Variants in CCNY observed in about 807,000 individuals in gnomAD.
CCNY encodes the protein cyclin Y.
CCNY carries 19 observed loss-of-function variants against 42.8 expected under a neutral mutation model. That is an observed-to-expected ratio of 0.44 (90% CI 0.31 to 0.65). The LOEUF (loss-of-function observed/expected upper bound fraction) is 0.65, where lower values mean the gene tolerates loss of function less well. Ranked by LOEUF, CCNY falls within the 30% of genes least tolerant of loss-of-function variation. The probability of loss-of-function intolerance (pLI) is 0.07; values close to 1 mark genes in which losing one functional copy is unlikely to be tolerated. For synonymous variants in CCNY, 165 were observed against 162.7 expected (o/e 1.01, Z -0.11); for missense variants, 370 against 437.3 (o/e 0.85, Z 1.37).
chr10:35,456,479 G>A (rs1839037843), intron 1 of CCNY, among the ~76,000 whole-genome samples: 1 of 152,166 alleles, frequency 6.6e-6, no homozygotes, highest in Admixed American at 6.5e-5. Context: ...CACAGGATTC[G>A]GAGGCACATT....
intron 3 of CCNY, among the ~76,000 whole-genome samples, chr10:35,310,833 G>C (rs1005586773): frequency 2.6e-5 from 4 of 152,144 alleles, no homozygotes; most frequent in Admixed American, 2.6e-4. Context: ...TCACCAGGGC[G>C]AGTTCACTAT....
At position 35,570,136 on chromosome 10, in the gene CCNY, T is replaced by A. The variant is rs1022650346; in HGVS notation, c.*966T>A. On this transcript the variant is annotated 3_prime_UTR_variant, in exon 10 of 10. Transcript: ENST00000374704. The stretch of plus-strand genomic sequence containing the variant: ...ATCCATTCCTCTCCTTCCAAGTCCA[T>A]TGTTGCAAGCAATATTCTTCTCAAT... 4 of 152,780 alleles carry A rather than the reference T, an allele frequency of 2.6e-5. No individual in the cohort carries two copies. Among genetic ancestry groups the A allele is most frequent in the African/African-American group, 9.6e-5 (4 of 41,466 alleles). The allele number at this position is 152,780 out of a possible 1,614,324, so 9.5% of individuals were successfully genotyped here.
intron 5 of CCNY, among the ~76,000 whole-genome samples, chr10:35,526,633 C>A (rs1296055191): frequency 6.6e-6 from 1 of 151,368 alleles, no homozygotes; most frequent in African/African-American, 2.4e-5. Flanking sequence ...GTATTTCTTT[C>A]ATAAGCCACA....
chr10:35,267,242 C>A (rs930940170), intron 3 of CCNY, among the ~76,000 whole-genome samples: 1 of 149,560 alleles, frequency 6.7e-6, no homozygotes, highest in South Asian at 2.1e-4. Flanking sequence ...CAGGAGTTTG[C>A]GGTTGCAGTG....
At chr10:35,376,021 G>A (rs959903465) in intron 1 of CCNY, among the ~76,000 whole-genome samples, 4 of 152,130 alleles carry the variant, frequency 2.6e-5, no homozygotes, top group Admixed American at 2.6e-4. Flanking sequence ...TCCCTGTACC[G>A]TGCCTTGGAA....
intron 3 of CCNY, among the ~76,000 whole-genome samples, chr10:35,502,490 G>A (rs1003640843): frequency 6.6e-6 from 1 of 152,124 alleles, no homozygotes; most frequent in Non-Finnish European, 1.5e-5. Flanking sequence ...AATGCAGTTG[G>A]GAAGAAATTC....
chr10:35,282,832 A>G (rs907526152), intron 3 of CCNY, among the ~76,000 whole-genome samples: 6 of 152,124 alleles, frequency 3.9e-5, no homozygotes, highest in African/African-American at 1.4e-4. Flanking sequence ...GCCTATTGCC[A>G]GGCTGTTAGG....
intron 4 of CCNY, among the ~76,000 whole-genome samples, chr10:35,521,381 G>A (rs1017259088): frequency 6.6e-6 from 1 of 152,164 alleles, no homozygotes; most frequent in Non-Finnish European, 1.5e-5. Flanking sequence ...TGCCTTGACC[G>A]CTCTTTGGCC....
At chr10:35,484,084 G>C (rs1327587905) in intron 2 of CCNY, among the ~76,000 whole-genome samples, 1 of 152,204 alleles carries the variant, frequency 6.6e-6, no homozygotes, top group Admixed American at 6.5e-5. Context: ...ATTGGCTGCA[G>C]AGGAGAGAGA....
chr10:35,491,115 GC>G (rs1282873357), intron 2 of CCNY, among the ~76,000 whole-genome samples: 1 of 152,138 alleles, frequency 6.6e-6, no homozygotes, highest in African/African-American at 2.4e-5. Flanking sequence ...GTGCTGGGCT[GC>G]CCATGCCCTT....
At chr10:35,297,609 C>G (rs1460538071) in intron 3 of CCNY, among the ~76,000 whole-genome samples, 1 of 152,110 alleles carries the variant, frequency 6.6e-6, no homozygotes, top group Non-Finnish European at 1.5e-5. Flanking sequence ...AGTCTCTGCC[C>G]TAAAACTCCT....
rs1840112610 is a variant in CCNY, at chr10:35,501,649, A to C, written c.264+114A>C. 3 of 910,904 alleles carry C rather than the reference A, an allele frequency of 3.3e-6. No individual in the cohort carries two copies. In the South Asian group the frequency reaches 4.0e-5, roughly 12 times the overall value. The allele number at this position is 910,904 out of a possible 1,614,324, so 56.4% of individuals were successfully genotyped here. ...ATGTGCTTTGTAGATACTTGGAAGA[A>C]TGTTGCAGTGTACTTATGCTTAGTT... On this transcript the variant is annotated intron_variant, in intron 3 of 9. Transcript: ENST00000374704.
At chr10:35,273,697 CA>C (rs112855868) in intron 3 of CCNY, among the ~76,000 whole-genome samples, 6,441 of 152,174 alleles carry the variant, frequency 0.042, 432 homozygotes, top group African/African-American at 0.14. Flanking sequence ...TGTGGTCAGA[CA>C]ACATCAACTC....
At chr10:35,248,880 C>T (rs942995865) in intron 2 of CCNY, among the ~76,000 whole-genome samples, 3 of 152,150 alleles carry the variant, frequency 2.0e-5, no homozygotes, top group Non-Finnish European at 2.9e-5. Flanking sequence ...TTGGTTTCCT[C>T]AGCAATGTTT....
intron 1 of CCNY, among the ~76,000 whole-genome samples, chr10:35,384,683 C>T (rs1310922518): frequency 1.3e-5 from 2 of 152,050 alleles, no homozygotes; most frequent in South Asian, 2.1e-4. Context: ...GGTCTATACA[C>T]TCATGTGTGG....
At chr10:35,563,445 A>T (rs1056554185) in intron 8 of CCNY, among the ~76,000 whole-genome samples, 3 of 152,090 alleles carry the variant, frequency 2.0e-5, no homozygotes, top group African/African-American at 7.2e-5. Flanking sequence ...TCTTCTTACT[A>T]TTGGGAGAAT....
In CCNY at chr10:35,503,465, G is replaced by A. The variant is rs1034674381; in HGVS notation, c.264+1930G>A. On this transcript the variant is annotated intron_variant, in intron 3 of 9. Coordinates refer to ENST00000374704, the MANE Select transcript of CCNY (RefSeq NM_145012.6). The stretch of plus-strand genomic sequence containing the variant: ...CAGTCCTGCCACGCTAGGAAAAGCC[G>A]TGGGAGTGTGCCAGTCCCACCAGCT... Among the ~76,000 whole-genome samples, 4 of 152,322 alleles carry A rather than the reference G, an allele frequency of 2.6e-5. No homozygotes were observed. In the South Asian group the frequency reaches 6.2e-4, roughly 24 times the overall value.
At chr10:35,466,693 G>A (rs1484051567) in intron 1 of CCNY, among the ~76,000 whole-genome samples, 4 of 152,220 alleles carry the variant, frequency 2.6e-5, no homozygotes, top group African/African-American at 9.7e-5. Flanking sequence ...GCAGTGAGCA[G>A]TAGAGTGCTC....
At chr10:35,281,025 G>A (rs1428651109) in intron 3 of CCNY, among the ~76,000 whole-genome samples, 2 of 152,128 alleles carry the variant, frequency 1.3e-5, no homozygotes, top group Non-Finnish European at 2.9e-5. Context: ...TCAGGGAAAT[G>A]CAAATCAAAG....
Sources: allele counts gnomAD v4.1 joint callset (sites outside exome capture counted in the v4.1 genomes callset), GRCh38; gene constraint gnomAD v4.1.1; transcripts MANE v1.5; gene names NCBI Gene and HGNC (gene_info 2026-07-23, HGNC 2026-07-21).